Variants in CNTNAP2 observed in about 807,000 individuals in gnomAD.
CNTNAP2 encodes contactin associated protein 2, also known as contactin-associated protein-like 2.
In CNTNAP2, 98 loss-of-function variants were observed where a neutral mutation model predicts 155.2. That is an observed-to-expected ratio of 0.63 (90% CI 0.54 to 0.75). The LOEUF (loss-of-function observed/expected upper bound fraction) is 0.75, where lower values mean the gene tolerates loss of function less well. Among genes scored for constraint, CNTNAP2 ranks in the 30% least tolerant of loss-of-function variants. The pLI, the probability that CNTNAP2 is intolerant of heterozygous loss-of-function variation, is 0.00. For synonymous variants in CNTNAP2, 651 were observed against 631.2 expected (o/e 1.03, Z -0.47); for missense variants, 1,727 against 1,688.1 (o/e 1.02, Z -0.40).
At chr7:146,135,724 C>CATACA (rs149571603) in intron 1 of CNTNAP2, among the ~76,000 whole-genome samples, 2,458 of 152,090 alleles carry the variant, frequency 0.016, 47 homozygotes, top group African/African-American at 0.055. Context: ...TCTTCCAGGA[C>CATACA]ATACAGGTTT....
intron 23 of CNTNAP2, among the ~76,000 whole-genome samples, chr7:148,415,202 C>CTTTTGGCTGG (rs899125442): frequency 6.6e-6 from 1 of 152,202 alleles, no homozygotes; most frequent in African/African-American, 2.4e-5. Context: ...ATTTTAGTTA[C>CTTTTGGCTGG]TTTTGGCTGG....
At chr7:147,529,810 T>A (rs533429928) in intron 11 of CNTNAP2, among the ~76,000 whole-genome samples, 2 of 152,314 alleles carry the variant, frequency 1.3e-5, no homozygotes, top group South Asian at 2.1e-4. Flanking sequence ...GATAAAAAGA[T>A]TTTTTTCTGA....
At chr7:146,673,058 A>G (rs141171930) in intron 1 of CNTNAP2, among the ~76,000 whole-genome samples, 28 of 152,206 alleles carry the variant, frequency 1.8e-4, no homozygotes, top group African/African-American at 6.5e-4. Flanking sequence ...TTTCCATTAA[A>G]TGATATAAAT....
intron 3 of CNTNAP2, among the ~76,000 whole-genome samples, chr7:146,965,141 G>A (rs1797631841): frequency 1.3e-5 from 2 of 152,210 alleles, no homozygotes; most frequent in South Asian, 2.1e-4. Context: ...GGGTCCATGT[G>A]TACAGAGGAG....
At chr7:147,029,088 C>A (rs749419905) in intron 3 of CNTNAP2, among the ~76,000 whole-genome samples, 34 of 151,382 alleles carry the variant, frequency 2.2e-4, no homozygotes, top group Non-Finnish European at 4.6e-4. Context: ...CTCAGCCTCG[C>A]GAGTAGCTGG....
intron 3 of CNTNAP2, among the ~76,000 whole-genome samples, chr7:146,995,332 T>C (rs1798287772): frequency 6.6e-6 from 1 of 152,126 alleles, no homozygotes; most frequent in African/African-American, 2.4e-5. Flanking sequence ...AATGACTTTA[T>C]TTCCTTTGGA....
chr7:147,471,913 A>G (rs976704564), intron 10 of CNTNAP2, among the ~76,000 whole-genome samples: 8 of 152,210 alleles, frequency 5.3e-5, no homozygotes, highest in Admixed American at 5.2e-4. Flanking sequence ...ACAGAGGAGA[A>G]ACGTTTGGGA....
intron 14 of CNTNAP2, among the ~76,000 whole-genome samples, chr7:147,952,402 A>G (rs377637305): frequency 8.6e-5 from 13 of 152,036 alleles, no homozygotes; most frequent in East Asian, 1.9e-4. Context: ...AGGCCACGCC[A>G]TTGCACTCCA....
At chr7:146,159,581 G>C (rs1269948139) in intron 1 of CNTNAP2, among the ~76,000 whole-genome samples, 1 of 151,934 alleles carries the variant, frequency 6.6e-6, no homozygotes, top group Non-Finnish European at 1.5e-5. Context: ...AAAAAGCAGG[G>C]GTTGCAATCT....
At chr7:147,697,526 C>T (rs1319715667) in intron 13 of CNTNAP2, among the ~76,000 whole-genome samples, 1 of 152,134 alleles carries the variant, frequency 6.6e-6, no homozygotes, top group East Asian at 1.9e-4. Flanking sequence ...CAGTCTCCAA[C>T]TATGGTTTTT....
intron 1 of CNTNAP2, among the ~76,000 whole-genome samples, chr7:146,373,685 A>G (rs1318174232): frequency 6.6e-6 from 1 of 152,162 alleles, no homozygotes; most frequent in Non-Finnish European, 1.5e-5. Flanking sequence ...AAAAATTGCC[A>G]TAAATATAAC....
intron 15 of CNTNAP2, among the ~76,000 whole-genome samples, chr7:147,995,681 T>A (rs576639580): frequency 5.7e-4 from 87 of 152,050 alleles, no homozygotes; most frequent in African/African-American, 1.9e-3. Flanking sequence ...GCCCAGCTAA[T>A]TTTTTGTATT....
intron 1 of CNTNAP2, among the ~76,000 whole-genome samples, chr7:146,596,595 CAGAG>C (rs368697909): frequency 0.074 from 7,730 of 104,944 alleles, 355 homozygotes; most frequent in East Asian, 0.17. Context: ...AGAAGGGAGA[CAGAG>C]AGAGAGAGAG....
At chr7:146,227,037 T>C (rs957095602) in intron 1 of CNTNAP2, among the ~76,000 whole-genome samples, 1 of 152,130 alleles carries the variant, frequency 6.6e-6, no homozygotes, top group Admixed American at 6.5e-5. Context: ...GTATAAAATA[T>C]GAGCCCAATT....
At chr7:146,322,725 G>C (rs1801028359) in intron 1 of CNTNAP2, among the ~76,000 whole-genome samples, 1 of 140,066 alleles carries the variant, frequency 7.1e-6, no homozygotes, top group Admixed American at 7.9e-5. Context: ...TGAAAGTACA[G>C]TGGGGAAAGG....
chr7:146,360,275 G>C (rs1198495607), intron 1 of CNTNAP2, among the ~76,000 whole-genome samples: 1 of 152,204 alleles, frequency 6.6e-6, no homozygotes, highest in Non-Finnish European at 1.5e-5. Flanking sequence ...CTTTCAGTGA[G>C]TGGGTTATAA....
At chr7:147,934,811 T>C (rs1380619870) in intron 14 of CNTNAP2, among the ~76,000 whole-genome samples, 1 of 152,156 alleles carries the variant, frequency 6.6e-6, no homozygotes. Flanking sequence ...AATGAAAAAC[T>C]TGTTTTACAT....
intron 1 of CNTNAP2, among the ~76,000 whole-genome samples, chr7:146,759,518 C>G (rs780093170): frequency 6.6e-6 from 1 of 151,598 alleles, no homozygotes; most frequent in Non-Finnish European, 1.5e-5. Flanking sequence ...ATGGTGAAAC[C>G]CCATCTCTAC....
intron 8 of CNTNAP2, among the ~76,000 whole-genome samples, chr7:147,207,199 A>C (rs151127217): frequency 6.6e-6 from 1 of 152,320 alleles, no homozygotes; most frequent in Non-Finnish European, 1.5e-5. Context: ...TAAAGAGGAA[A>C]ATATAAATGT....
Sources: allele counts gnomAD v4.1 joint callset (sites outside exome capture counted in the v4.1 genomes callset), GRCh38; gene constraint gnomAD v4.1.1; transcripts MANE v1.5; gene names NCBI Gene and HGNC (gene_info 2026-07-23, HGNC 2026-07-21).